RBFOX1: variants seen among roughly 807,000 people sequenced by gnomAD.
RBFOX1 encodes RNA binding fox-1 homolog 1.
In RBFOX1, 8 loss-of-function variants were observed where a neutral mutation model predicts 57.7. The observed-to-expected ratio is 0.14, with a 90% CI of 0.08 to 0.25. The LOEUF (loss-of-function observed/expected upper bound fraction) is 0.25, where lower values mean the gene tolerates loss of function less well. Among genes scored for constraint, RBFOX1 ranks in the 10% least tolerant of loss-of-function variants. The probability of loss-of-function intolerance (pLI) is 1.00; values close to 1 mark genes in which losing one functional copy is unlikely to be tolerated. For missense variants in RBFOX1, 611 were observed against 548.5 expected, an observed-to-expected ratio of 1.11 and a Z score of -1.14; for synonymous variants, 326 against 222.4, an observed-to-expected ratio of 1.47 and a Z score of -4.15.
At chr16:6,664,620 C>A (rs376395270) in intron 3 of RBFOX1, among the ~76,000 whole-genome samples, 1 of 152,150 alleles carries the variant, frequency 6.6e-6, no homozygotes, top group African/African-American at 2.4e-5. Flanking sequence ...GATTCGACAT[C>A]ATTTTTACTG....
At chr16:6,460,498 C>T (rs1294999002) in intron 2 of RBFOX1, among the ~76,000 whole-genome samples, 1 of 151,408 alleles carries the variant, frequency 6.6e-6, no homozygotes, top group Non-Finnish European at 1.5e-5. Context: ...TGAGAAAAAG[C>T]TCAACATCAG....
chr16:6,753,768 G>A (rs532482657), intron 3 of RBFOX1, among the ~76,000 whole-genome samples: 16 of 152,108 alleles, frequency 1.1e-4, no homozygotes, highest in Non-Finnish European at 1.9e-4. Context: ...TATGTGATTC[G>A]TAGTGAGAGA....
chr16:5,986,656 G>A (rs567092470), intron 4 of RBFOX1, among the ~76,000 whole-genome samples: 1 of 152,112 alleles, frequency 6.6e-6, no homozygotes, highest in South Asian at 2.1e-4. Flanking sequence ...TTTAGGATGG[G>A]CTTTTTTTCA....
intron 1 of RBFOX1, among the ~76,000 whole-genome samples, chr16:6,154,547 G>A (rs927521222): frequency 2.6e-5 from 4 of 152,138 alleles, no homozygotes; most frequent in South Asian, 2.1e-4. Flanking sequence ...GGGAGCCAGC[G>A]GTGATGAGGA....
At chr16:6,532,530 C>G (rs564885350) in intron 2 of RBFOX1, among the ~76,000 whole-genome samples, 2 of 152,296 alleles carry the variant, frequency 1.3e-5, no homozygotes, top group African/African-American at 4.8e-5. Flanking sequence ...GCTCCTTCCT[C>G]TGTACCCTTT....
At chr16:7,049,931 ATGT>A (rs1242452851) in intron 3 of RBFOX1, among the ~76,000 whole-genome samples, 2 of 152,168 alleles carry the variant, frequency 1.3e-5, no homozygotes, top group African/African-American at 4.8e-5. Flanking sequence ...TACATTCACA[ATGT>A]TGTGCAAATA....
At chr16:5,803,842 C>T (rs898952368) in intron 3 of RBFOX1, among the ~76,000 whole-genome samples, 11 of 152,158 alleles carry the variant, frequency 7.2e-5, no homozygotes, top group Non-Finnish European at 1.2e-4. Flanking sequence ...TCTTTCCTCT[C>T]CTGGTCTTCT....
intron 1 of RBFOX1, among the ~76,000 whole-genome samples, chr16:5,463,121 A>T (rs74004322): frequency 0.058 from 8,832 of 152,306 alleles, 863 homozygotes; most frequent in African/African-American, 0.2. Context: ...TTAGAAGAAT[A>T]CACGTCAACC....
chr16:6,294,606 G>A (rs1272289925), intron 1 of RBFOX1, among the ~76,000 whole-genome samples: 1 of 152,176 alleles, frequency 6.6e-6, no homozygotes, highest in African/African-American at 2.4e-5. Context: ...GTGCCTACTT[G>A]ATGCTGAGCC....
chr16:6,124,098 A>G (rs988507746), intron 1 of RBFOX1, among the ~76,000 whole-genome samples: 2 of 152,130 alleles, frequency 1.3e-5, no homozygotes, highest in African/African-American at 2.4e-5. Flanking sequence ...GTGGGCTGGA[A>G]CTCACCCTTC....
At chr16:5,637,942 C>T (rs1325783224) in intron 3 of RBFOX1, among the ~76,000 whole-genome samples, 1 of 152,184 alleles carries the variant, frequency 6.6e-6, no homozygotes, top group Admixed American at 6.5e-5. Context: ...TGAAAAATGC[C>T]TAGAGGTCCA....
chr16:6,454,101 G>A (rs2094701468), intron 2 of RBFOX1, among the ~76,000 whole-genome samples: 1 of 152,150 alleles, frequency 6.6e-6, no homozygotes, highest in South Asian at 2.1e-4. Flanking sequence ...AAAGGCAGCA[G>A]TCATGTTGGA....
chr16:7,078,901 G>A (rs1248600843), intron 4 of RBFOX1, among the ~76,000 whole-genome samples: 5 of 99,700 alleles, frequency 5.0e-5, no homozygotes, highest in African/African-American at 7.0e-5. Flanking sequence ...GTGAAGATGG[G>A]GTTTTACCAT....
intron 12 of RBFOX1, among the ~76,000 whole-genome samples, chr16:7,659,572 A>G (rs2067178307): frequency 6.6e-6 from 1 of 152,154 alleles, no homozygotes. Flanking sequence ...TACACTAACT[A>G]CAGCTGATGA....
At chr16:7,627,454 A>C (rs1225613507) in intron 10 of RBFOX1, among the ~76,000 whole-genome samples, 3 of 152,238 alleles carry the variant, frequency 2.0e-5, no homozygotes, top group African/African-American at 7.2e-5. Context: ...ATAAAAGCAC[A>C]GAAGTCTGAG....
intron 3 of RBFOX1, among the ~76,000 whole-genome samples, chr16:5,630,253 T>A (rs964584734): frequency 4.6e-5 from 7 of 152,080 alleles, no homozygotes; most frequent in African/African-American, 1.7e-4. Flanking sequence ...GGTCAGGAGT[T>A]CGAGACCAGC....
intron 2 of RBFOX1, among the ~76,000 whole-genome samples, chr16:6,428,928 C>G (rs1203945440): frequency 6.6e-6 from 1 of 152,136 alleles, no homozygotes; most frequent in African/African-American, 2.4e-5. Flanking sequence ...AAAGCGTATT[C>G]TTAGATCACA....
At chr16:5,980,567 A>C (rs2060152034) in intron 4 of RBFOX1, among the ~76,000 whole-genome samples, 1 of 152,164 alleles carries the variant, frequency 6.6e-6, no homozygotes, top group Admixed American at 6.5e-5. Context: ...AGTAGAGAAA[A>C]TTGGACTTCT....
At chr16:6,349,927 C>T (rs945029089) in intron 2 of RBFOX1, among the ~76,000 whole-genome samples, 7 of 152,068 alleles carry the variant, frequency 4.6e-5, no homozygotes, top group African/African-American at 1.7e-4. Flanking sequence ...CCATGGGGGG[C>T]AGTGGTGAGC....
Sources: gnomAD v4.1 joint callset for allele counts (sites outside exome capture counted in the v4.1 genomes callset) on GRCh38, gnomAD v4.1.1 for gene constraint, MANE v1.5 for transcripts, NCBI Gene and HGNC (gene_info 2026-07-23, HGNC 2026-07-21) for gene names.